The following NRXN3 variants were observed in gnomAD, a reference collection of about 807,000 sequenced individuals.
NRXN3 encodes neurexin III.
A neutral mutation model predicts 137.6 loss-of-function variants in NRXN3; 32 were observed. The ratio of observed to expected loss-of-function variants is 0.23; its 90% CI spans 0.18 to 0.31. The LOEUF is 0.31. Among genes scored for constraint, NRXN3 ranks in the 10% least tolerant of loss-of-function variants. The pLI is 1.00. For missense variants in NRXN3, 1,574 were observed against 2,062.5 expected, an observed-to-expected ratio of 0.76 and a Z score of 4.59; for synonymous variants, 798 against 784.5, an observed-to-expected ratio of 1.02 and a Z score of -0.29.
chr14:78,567,551 T>C (rs1408269553), intron 4 of NRXN3, among the ~76,000 whole-genome samples: 1 of 152,128 alleles, frequency 6.6e-6, no homozygotes, highest in Admixed American at 6.5e-5. Context: ...GCCAAGACTC[T>C]TGGTTAAAGC....
At chr14:78,863,678 A>G (rs1381006051) in intron 10 of NRXN3, among the ~76,000 whole-genome samples, 1 of 152,162 alleles carries the variant, frequency 6.6e-6, no homozygotes, top group Admixed American at 6.6e-5. Context: ...TAAAGTAATT[A>G]AAAACAATTT....
intron 15 of NRXN3, among the ~76,000 whole-genome samples, chr14:79,150,519 G>T (rs2059702114): frequency 6.6e-6 from 1 of 151,922 alleles, no homozygotes; most frequent in Non-Finnish European, 1.5e-5. Flanking sequence ...AGGAGCAAGA[G>T]TTCCTTGCAT....
chr14:78,803,650 T>G lies in NRXN3; in HGVS notation c.2075T>G (p.Met692Arg). The change falls in exon 9 of 21, where the codon ATG (methionine) becomes AGG (arginine). Residue 692 changes from methionine (M) to arginine (R), a missense_variant. Transcript: ENST00000335750. ...EASILSYDGS[M>R]YMKIIMPMVM... ...TCCATCCTGAGCTATGATGGTAGCA[T>G]GTACATGAAGATCATCATGCCCATG... 6.2e-7 allele frequency: 1 copy of G among 1,614,178 alleles called. No individual in the cohort carries two copies. The highest frequency in any genetic ancestry group is 8.5e-7 in the Non-Finnish European group (1 of 1,180,004).
intron 19 of NRXN3, among the ~76,000 whole-genome samples, chr14:79,698,322 A>T (rs1234270777): frequency 6.6e-6 from 1 of 152,032 alleles, no homozygotes; most frequent in African/African-American, 2.4e-5. Flanking sequence ...GTTCAATTTC[A>T]TTCACATTCT....
rs2098847029 is a variant in NRXN3, at chr14:78,803,895, T to C, written c.2248+72T>C. 5.0e-6 allele frequency: 7 copies of C among 1,402,460 alleles called. No individual in the cohort carries two copies. In the East Asian group the frequency reaches 1.6e-4, roughly 33 times the overall value. The allele number at this position is 1,402,460 out of a possible 1,614,324, so 86.9% of individuals were successfully genotyped here. The stretch of plus-strand genomic sequence containing the variant: ...CTTTCTTTTCTGATTTTCATTGGTT[T>C]GATTGAATTCTTTGTTTGTTTCTTG... On this transcript the variant is annotated intron_variant, in intron 9 of 20. Coordinates refer to ENST00000335750, the MANE Select transcript of NRXN3 (RefSeq NM_001330195.2).
At chr14:78,921,347 T>C (rs946901324) in intron 10 of NRXN3, among the ~76,000 whole-genome samples, 6 of 152,186 alleles carry the variant, frequency 3.9e-5, no homozygotes, top group African/African-American at 1.4e-4. Flanking sequence ...GGCAAACTCA[T>C]TGAAATGAAG....
At chr14:79,444,355 A>G (rs2061577982) in intron 15 of NRXN3, among the ~76,000 whole-genome samples, 1 of 152,286 alleles carries the variant, frequency 6.6e-6, no homozygotes, top group South Asian at 2.1e-4. Context: ...ACTGGGTGGA[A>G]AAAAGCTTTT....
intron 10 of NRXN3, among the ~76,000 whole-genome samples, chr14:78,872,724 A>G (rs2099104503): frequency 6.6e-6 from 1 of 152,046 alleles, no homozygotes; most frequent in Non-Finnish European, 1.5e-5. Flanking sequence ...TTTTCTCTCA[A>G]GTCATTTTTT....
Position 78,243,140 on chromosome 14 carries a change from T to TCCTGCTGGGGTC in NRXN3, c.58_69dup (p.Ser20_Gly23dup). 4 of 1,545,460 alleles carry TCCTGCTGGGGTC rather than the reference T, an allele frequency of 2.6e-6. No homozygotes were observed. The highest frequency in any genetic ancestry group is 3.5e-6 in the Non-Finnish European group (4 of 1,152,576). On this transcript the variant is annotated inframe_insertion, in exon 2 of 21. Coordinates refer to ENST00000335750, the MANE Select transcript of NRXN3 (RefSeq NM_001330195.2). This position sits in a 1 kb window ranked among gnomAD's most constrained non-coding sequence, Gnocchi z 4.2. ...GTTTTCTTCACCCTGAAGGTCAGCA[T>TCCTGCTGGGGTC]CCTGCTGGGGTCCCTGCTGGGGCTC...
chr14:78,602,415 T>C (rs944067384), intron 4 of NRXN3: 2 of 152,190 alleles, frequency 1.3e-5, no homozygotes, highest in Non-Finnish European at 2.9e-5. Flanking sequence ...TGGCTTTCTT[T>C]CTAGGGCACC....
intron 10 of NRXN3, among the ~76,000 whole-genome samples, chr14:78,924,193 G>A (rs1008661900): frequency 1.3e-5 from 2 of 152,244 alleles, no homozygotes; most frequent in Non-Finnish European, 2.9e-5. Flanking sequence ...AGGTTGCAGT[G>A]AGCCGAGATC....
At chr14:78,444,178 C>T (rs757646538) in intron 4 of NRXN3, among the ~76,000 whole-genome samples, 1 of 152,164 alleles carries the variant, frequency 6.6e-6, no homozygotes, top group Non-Finnish European at 1.5e-5. Context: ...TAATATAAGC[C>T]ATGTCCTTCC....
intron 15 of NRXN3, among the ~76,000 whole-genome samples, chr14:79,395,065 T>C (rs114143608): frequency 5.5e-4 from 84 of 152,346 alleles, no homozygotes; most frequent in African/African-American, 2.0e-3. Flanking sequence ...TCTTCACTAT[T>C]GAGTACTCAC....
intron 4 of NRXN3, among the ~76,000 whole-genome samples, chr14:78,576,018 A>G (rs956563031): frequency 6.6e-6 from 1 of 152,264 alleles, no homozygotes; most frequent in South Asian, 2.1e-4. Context: ...AATAAATGTC[A>G]CTGATGGAGA....
At chr14:78,619,839 A>G (rs2097382431) in intron 4 of NRXN3, among the ~76,000 whole-genome samples, 1 of 152,078 alleles carries the variant, frequency 6.6e-6, no homozygotes. Flanking sequence ...AGAAAAATGG[A>G]CTAATATAAT....
intron 10 of NRXN3, among the ~76,000 whole-genome samples, chr14:78,855,995 G>A (rs565012539): frequency 6.6e-6 from 1 of 151,968 alleles, no homozygotes; most frequent in Admixed American, 6.6e-5. Flanking sequence ...CATCTTTCTG[G>A]GTCTTCTTTC....
At chr14:78,232,883 C>T (rs1016853816) in intron 1 of NRXN3, among the ~76,000 whole-genome samples, 1 of 152,198 alleles carries the variant, frequency 6.6e-6, no homozygotes, top group Non-Finnish European at 1.5e-5. Flanking sequence ...AGGGAGGAGG[C>T]TGAAAAGTAA....
chr14:78,211,168 G>A (rs2062705182), intron 1 of NRXN3, among the ~76,000 whole-genome samples: 2 of 152,200 alleles, frequency 1.3e-5, no homozygotes, highest in Non-Finnish European at 2.9e-5. Flanking sequence ...AACTCCTGAG[G>A]CACAGAAAAG....
chr14:78,488,810 A>AAG (rs2153747428), intron 4 of NRXN3, among the ~76,000 whole-genome samples: 3 of 147,530 alleles, frequency 2.0e-5, no homozygotes, highest in Admixed American at 6.8e-5. Context: ...GGAGGAGATA[A>AAG]AGGAGGAGAG....
Sources: gnomAD v4.1 joint callset for allele counts (sites outside exome capture counted in the v4.1 genomes callset) on GRCh38, gnomAD v4.1.1 for gene constraint, Gnocchi (gnomAD v3.1) non-coding constraint, MANE v1.5 for transcripts, NCBI Gene and HGNC (gene_info 2026-07-23, HGNC 2026-07-21) for gene names.